Variants in NRP2 observed in about 807,000 individuals in gnomAD.
The protein encoded by NRP2 is neuropilin-2.
A neutral mutation model predicts 110.4 loss-of-function variants in NRP2; 52 were observed. That is an observed-to-expected ratio of 0.47 (90% CI 0.38 to 0.59). NRP2 has a LOEUF of 0.59. NRP2 is among the 20% of genes least tolerant of loss of function. The pLI, the probability that NRP2 is intolerant of heterozygous loss-of-function variation, is 0.00. For missense variants in NRP2, 1,049 were observed against 1,203.0 expected (o/e 0.87, Z 1.89); for synonymous variants, 508 against 468.9 (o/e 1.08, Z -1.08).
chr2:205,767,844 G>C (rs2057952523), intron 15 of NRP2: 1 of 163,904 alleles, frequency 6.1e-6, no homozygotes. Context: ...TGTGAGGATT[G>C]CTGTGCCCTC....
chr2:205,790,844 C>T (rs560064872), intron 15 of NRP2, among the ~76,000 whole-genome samples: 2 of 152,248 alleles, frequency 1.3e-5, no homozygotes, highest in South Asian at 4.2e-4. Context: ...GCGTGGCCTG[C>T]AGGTGCCACT....
At chr2:205,721,015 G>T (rs1575584943) in intron 3 of NRP2, among the ~76,000 whole-genome samples, 1 of 152,226 alleles carries the variant, frequency 6.6e-6, no homozygotes, top group East Asian at 1.9e-4. Flanking sequence ...GGATGGATAG[G>T]TAGGAGATAC....
Position 205,752,968 on chromosome 2 carries a change from G to T in NRP2, c.2037G>T (p.Thr679=), listed in dbSNP as rs762849196. 1.2e-6 allele frequency: 2 copies of T among 1,613,312 alleles called. No homozygotes were observed. Among genetic ancestry groups the T allele is most frequent in the South Asian group, 1.1e-5 (1 of 91,058 alleles). Residue 679 remains threonine (T), a synonymous_variant, in exon 12 of 17, where the codon ACG becomes ACT. Coordinates refer to ENST00000357785, the MANE Select transcript of NRP2 (RefSeq NM_003872.3). ...GCAGCTCCAGCCCAAACGACCGGAC[G>T]TTTCCAGGTAAGCCAGCTGTGAGTG... ...WASSSSPNDR[T]FPDDRNFLRL... is the part of the protein sequence containing the mutation.
At chr2:205,764,032 TTTCA>T in intron 13 of NRP2, 96 bp downstream of exon 13, 1 of 1,457,544 alleles carries the variant, frequency 6.9e-7, no homozygotes, top group Non-Finnish European at 9.4e-7. Flanking sequence ...GCGCTACTGT[TTTCA>T]TTGTGTTTCT....
intron 12 of NRP2, chr2:205,761,383 A>C (rs191605894): frequency 1.8e-4 from 28 of 152,346 alleles, no homozygotes; most frequent in African/African-American, 6.3e-4. Flanking sequence ...TAAAAAAGAC[A>C]TGAAAAAACC....
At chr2:205,722,172 TACA>T (rs1559326339) in intron 3 of NRP2, 9,031 of 271,760 alleles carry the variant, frequency 0.033, 152 homozygotes, top group Admixed American at 0.051. Context: ...CTCTCTCTCA[TACA>T]CACACACACA....
intron 15 of NRP2, among the ~76,000 whole-genome samples, chr2:205,769,077 T>C (rs908493487): frequency 6.6e-6 from 1 of 152,168 alleles, no homozygotes; most frequent in African/African-American, 2.4e-5. Context: ...ACTCATATAC[T>C]ATTCCTCTTA....
chr2:205,727,804 G>A, intron 6 of NRP2, 87 bp from the exon 7 acceptor site: 11 of 1,387,744 alleles, frequency 7.9e-6, no homozygotes, highest in Non-Finnish European at 9.7e-6. Context: ...TGGAAGCAAA[G>A]TCTAATGATT....
In NRP2 at chr2:205,703,567, C is replaced by T. The variant is rs193279181; in HGVS notation, c.251+5846C>T. Among the ~76,000 whole-genome samples the T allele has an allele frequency of 5.1e-4, 77 of 152,304 alleles. 2 individuals are homozygous for T. The highest frequency in any genetic ancestry group is 4.6e-4 in the African/African-American group (19 of 41,576). On this transcript the variant is annotated intron_variant, in intron 2 of 16. Transcript: ENST00000357785. The stretch of plus-strand genomic sequence containing the variant: ...TTTACTCTTGTGCTGTCTGCCTCCC[C>T]GGCATCATGCATTTGGCAGGGGACA...
chr2:205,789,906 C>T (rs917127810), intron 15 of NRP2, among the ~76,000 whole-genome samples: 5 of 152,188 alleles, frequency 3.3e-5, no homozygotes, highest in Admixed American at 3.3e-4. Flanking sequence ...AGAATATTAG[C>T]AAGGGGACTA....
At chr2:205,780,767 C>A (rs1010427409) in intron 15 of NRP2, among the ~76,000 whole-genome samples, 5 of 152,300 alleles carry the variant, frequency 3.3e-5, no homozygotes, top group Non-Finnish European at 4.4e-5. Context: ...GTGCTTTTTA[C>A]AGCTGTAAAA....
chr2:205,706,615 G>T (rs549959630), intron 2 of NRP2, among the ~76,000 whole-genome samples: 2 of 152,194 alleles, frequency 1.3e-5, no homozygotes, highest in South Asian at 2.1e-4. Flanking sequence ...AGTTCAAAGC[G>T]ATTTATCTAT....
intron 10 of NRP2, 95 bp downstream of exon 10, chr2:205,745,985 C>T (rs2105880897): frequency 7.0e-7 from 1 of 1,430,986 alleles, no homozygotes; most frequent in Non-Finnish European, 9.8e-7. Context: ...AGGGGGCAGC[C>T]ATCCCAGGAG....
chr2:205,714,334 G>A (rs930842010), intron 2 of NRP2, among the ~76,000 whole-genome samples: 1 of 152,140 alleles, frequency 6.6e-6, no homozygotes, highest in Non-Finnish European at 1.5e-5. Context: ...TGGGACTCTT[G>A]CGCTCTGGGC....
intron 3 of NRP2, among the ~76,000 whole-genome samples, chr2:205,718,821 A>G (rs1448562066): frequency 6.6e-6 from 1 of 152,106 alleles, no homozygotes; most frequent in East Asian, 1.9e-4. Flanking sequence ...ACGTGCCTGT[A>G]ATCCCAGCTA....
chr2:205,730,246 C>T (rs1278849728), intron 7 of NRP2, among the ~76,000 whole-genome samples: 2 of 152,198 alleles, frequency 1.3e-5, no homozygotes, highest in East Asian at 3.9e-4. Flanking sequence ...CAGATTCCCC[C>T]TCATTCACGG....
intron 2 of NRP2, among the ~76,000 whole-genome samples, chr2:205,713,791 C>T (rs1376549893): frequency 2.0e-5 from 3 of 152,150 alleles, no homozygotes; most frequent in East Asian, 1.9e-4. Context: ...GCAAAATATC[C>T]TCCCACTTTT....
chr2:205,697,470 GA>G, intron 1 of NRP2, 73 bp from the exon 2 acceptor site: 1 of 1,328,318 alleles, frequency 7.5e-7, no homozygotes, highest in East Asian at 2.3e-5. Context: ...TGGTACAGAA[GA>G]GAAGGAGGGA....
At chr2:205,745,655 C>T (rs979360621) in intron 9 of NRP2, 91 bp from the exon 10 acceptor site, 28 of 1,483,522 alleles carry the variant, frequency 1.9e-5, no homozygotes, top group Middle Eastern at 1.7e-4. Flanking sequence ...GCAGGACGTG[C>T]GGGGCAGGGA....
Sources: gnomAD v4.1 joint callset for allele counts (sites outside exome capture counted in the v4.1 genomes callset) on GRCh38, gnomAD v4.1.1 for gene constraint, MANE v1.5 for transcripts, NCBI Gene and HGNC (gene_info 2026-07-23, HGNC 2026-07-21) for gene names.